Variants in TMEM132D observed in about 807,000 individuals in gnomAD.
The protein encoded by TMEM132D is transmembrane protein 132D.
TMEM132D carries 21 observed loss-of-function variants against 62.3 expected under a neutral mutation model. The observed-to-expected ratio is 0.34, with a 90% confidence interval of 0.24 to 0.49. TMEM132D has a LOEUF of 0.49. TMEM132D is among the 20% of genes least tolerant of loss of function. The probability of loss-of-function intolerance (pLI) is 0.99; values close to 1 mark genes in which losing one functional copy is unlikely to be tolerated. For synonymous variants in TMEM132D, 621 were observed against 575.6 expected, an observed-to-expected ratio of 1.08 and a Z score of -1.13; for missense variants, 1,346 against 1,402.8, an observed-to-expected ratio of 0.96 and a Z score of 0.65.
At chr12:129,476,601 A>T (rs77037576) in intron 3 of TMEM132D, among the ~76,000 whole-genome samples, 14,242 of 152,068 alleles carry the variant, frequency 0.094, 1,071 homozygotes, top group African/African-American at 0.21. Context: ...CTGAGGCTCA[A>T]ATTCTCTACA....
At chr12:129,863,414 C>T (rs1009604669) in intron 1 of TMEM132D, among the ~76,000 whole-genome samples, 12 of 152,176 alleles carry the variant, frequency 7.9e-5, no homozygotes, top group Non-Finnish European at 1.2e-4. Context: ...CACATTAACA[C>T]GGCGAGTCTG....
At chr12:129,438,431 GC>G (rs1259142692) in intron 3 of TMEM132D, among the ~76,000 whole-genome samples, 1 of 152,124 alleles carries the variant, frequency 6.6e-6, no homozygotes, top group East Asian at 1.9e-4. Flanking sequence ...ATACTATGCA[GC>G]AACAACAACA....
intron 1 of TMEM132D, among the ~76,000 whole-genome samples, chr12:129,785,654 C>G (rs1253392807): frequency 1.3e-5 from 2 of 152,112 alleles, no homozygotes. Context: ...AGAAAGACAG[C>G]CCCAGCCAGG....
intron 2 of TMEM132D, among the ~76,000 whole-genome samples, chr12:129,605,081 G>C (rs1279806811): frequency 6.6e-6 from 1 of 152,088 alleles, no homozygotes; most frequent in African/African-American, 2.4e-5. Context: ...ATATACTAGT[G>C]ATATAAATCT....
rs1017299962 is a variant in TMEM132D at position 129,384,923 on chromosome 12, T to C, written c.1116-47106A>G. 6.3e-4 allele frequency among the ~76,000 whole-genome samples: 96 copies of C among 152,210 alleles called. 1 individual carries two copies. The highest frequency in any genetic ancestry group is 2.3e-3 in the African/African-American group (95 of 41,536). ...AAAAGGAAGCACCTTTCCCATTTAC[T>C]AGATTTGAGCCCATCAGCCCACCTG... On this transcript the variant is annotated intron_variant, in intron 3 of 8. Coordinates refer to ENST00000422113, the MANE Select transcript of TMEM132D (RefSeq NM_133448.3).
At chr12:129,735,502 A>C (rs1869394668) in intron 1 of TMEM132D, among the ~76,000 whole-genome samples, 1 of 152,240 alleles carries the variant, frequency 6.6e-6, no homozygotes, top group South Asian at 2.1e-4. Flanking sequence ...TTAGAAACAA[A>C]AATACAGGAC....
At chr12:129,414,010 C>T (rs1156248189) in intron 3 of TMEM132D, among the ~76,000 whole-genome samples, 2 of 152,220 alleles carry the variant, frequency 1.3e-5, no homozygotes, top group Admixed American at 1.3e-4. Flanking sequence ...TGCAAGGGCA[C>T]TGTGGTGCTT....
At position 129,555,110 on chromosome 12, in the gene TMEM132D, C is replaced by A. The variant is rs1877018653; in HGVS notation, c.969-23905G>T. On this transcript the variant is annotated intron_variant, in intron 2 of 8. Coordinates refer to ENST00000422113, the MANE Select transcript of TMEM132D (RefSeq NM_133448.3). The stretch of plus-strand genomic sequence containing the variant: ...AACAATGACAATAATAGGATTGTAG[C>A]ACATTGCTAAATTGATTGCAATGCC... Among the ~76,000 whole-genome samples the A allele has an allele frequency of 2.0e-5, 3 of 152,182 alleles. 1 individual carries two copies. In the South Asian group the frequency reaches 6.2e-4, roughly 31 times the overall value.
At chr12:129,240,969 T>C (rs529831858) in intron 4 of TMEM132D, among the ~76,000 whole-genome samples, 1 of 152,228 alleles carries the variant, frequency 6.6e-6, no homozygotes, top group African/African-American at 2.4e-5. Flanking sequence ...TTTCCCTCTA[T>C]ATCCATCACG....
intron 3 of TMEM132D, among the ~76,000 whole-genome samples, chr12:129,418,027 G>A (rs1324359999): frequency 3.9e-5 from 6 of 152,168 alleles, no homozygotes; most frequent in African/African-American, 9.7e-5. Flanking sequence ...TTAGAAAGGC[G>A]ATCATTAAAA....
Position 129,304,607 on chromosome 12 carries a change from C to T in TMEM132D, c.1299+33027G>A, listed in dbSNP as rs545795675. Reference sequence around the variant, plus strand: ...TCCTAGCTCTTTCCCATTTATACGGCGGCATCTTGCAAAAGTTCCCCTGCC... The same window carrying T: ...TCCTAGCTCTTTCCCATTTATACGGTGGCATCTTGCAAAAGTTCCCCTGCC... On this transcript the variant is annotated intron_variant, in intron 4 of 8. Coordinates refer to ENST00000422113, the MANE Select transcript of TMEM132D (RefSeq NM_133448.3). Among the ~76,000 whole-genome samples the T allele has an allele frequency of 7.4e-5, 11 of 148,860 alleles. No individual in the cohort carries two copies. The South Asian group carries it at 1.3e-3, about 18-fold the overall frequency.
intron 3 of TMEM132D, among the ~76,000 whole-genome samples, chr12:129,341,083 C>T (rs994523230): frequency 2.0e-5 from 3 of 152,026 alleles, no homozygotes; most frequent in African/African-American, 7.2e-5. Flanking sequence ...ATTTTAATGC[C>T]CCTTTGTAAA....
intron 3 of TMEM132D, among the ~76,000 whole-genome samples, chr12:129,495,224 T>TTAAGCCTTAC (rs11280950): frequency 0.56 from 85,206 of 151,168 alleles, 24,891 homozygotes; most frequent in African/African-American, 0.73. Flanking sequence ...AAAGCCAATG[T>TTAAGCCTTAC]TAATAATTTC....
In TMEM132D at chr12:129,599,522, C is replaced by T. The variant is rs771814328; in HGVS notation, c.969-68317G>A. On this transcript the variant is annotated intron_variant, in intron 2 of 8. Coordinates refer to ENST00000422113, the MANE Select transcript of TMEM132D (RefSeq NM_133448.3). Reference sequence around the variant, plus strand: ...ATTTATAATTGCTTTGAAGCTGTCACATTTTAAACATAACCCTACAACCAT... The same window carrying T: ...ATTTATAATTGCTTTGAAGCTGTCATATTTTAAACATAACCCTACAACCAT... 4.5e-4 allele frequency among the ~76,000 whole-genome samples: 69 copies of T among 152,158 alleles called. 1 individual carries two copies. Among genetic ancestry groups the T allele is most frequent in the Non-Finnish European group, 8.5e-4 (58 of 68,032 alleles).
intron 2 of TMEM132D, among the ~76,000 whole-genome samples, chr12:129,668,153 G>GTT (rs1424661834): frequency 6.7e-6 from 1 of 150,250 alleles, no homozygotes; most frequent in African/African-American, 2.4e-5. Context: ...ACTTTGGACT[G>GTT]TATTTGTATA....
chr12:129,346,444 T>C (rs1447207601), intron 3 of TMEM132D, among the ~76,000 whole-genome samples: 2 of 152,236 alleles, frequency 1.3e-5, no homozygotes, highest in Non-Finnish European at 2.9e-5. Flanking sequence ...CCTTCAGTTC[T>C]GCTTTGATCT....
At chr12:129,573,236 G>GA (rs1172094157) in intron 2 of TMEM132D, among the ~76,000 whole-genome samples, 1 of 152,168 alleles carries the variant, frequency 6.6e-6, no homozygotes, top group Middle Eastern at 3.2e-3. Context: ...CCGGGCTGGG[G>GA]ATGAGGAATG....
chr12:129,704,729 G>A (rs756686605), intron 1 of TMEM132D, among the ~76,000 whole-genome samples: 15 of 152,134 alleles, frequency 9.9e-5, no homozygotes, highest in South Asian at 2.1e-4. Flanking sequence ...GGCTGCCCTC[G>A]GTGAAGGATA....
At chr12:129,774,740 C>A (rs1041568553) in intron 1 of TMEM132D, among the ~76,000 whole-genome samples, 1 of 152,202 alleles carries the variant, frequency 6.6e-6, no homozygotes, top group African/African-American at 2.4e-5. Flanking sequence ...CAGATGTGGA[C>A]CAAGACTGCA....
Sources: gnomAD v4.1 joint callset for allele counts (sites outside exome capture counted in the v4.1 genomes callset) on GRCh38, gnomAD v4.1.1 for gene constraint, MANE v1.5 for transcripts, NCBI Gene and HGNC (gene_info 2026-07-23, HGNC 2026-07-21) for gene names.